Variants in CD274 observed in about 807,000 individuals in gnomAD.
CD274 encodes CD274 molecule, also known as programmed cell death 1 ligand 1.
Under a neutral mutation model 30.1 loss-of-function variants are expected in CD274, and 8 were observed. The observed-to-expected ratio is 0.27, with a 90% CI of 0.16 to 0.48. The LOEUF (loss-of-function observed/expected upper bound fraction) is 0.48, where lower values mean the gene tolerates loss of function less well. Among genes scored for constraint, CD274 ranks in the 20% least tolerant of loss-of-function variants. The pLI is 0.99. For synonymous variants in CD274, 152 were observed against 124.6 expected (o/e 1.22, Z -1.46); for missense variants, 353 against 346.6 (o/e 1.02, Z -0.15).
chr9:5,463,980 G>A (rs1290796631), intron 4 of CD274, among the ~76,000 whole-genome samples: 1 of 152,146 alleles, frequency 6.6e-6, no homozygotes, highest in African/African-American at 2.4e-5. Context: ...GATATTCTGA[G>A]AAGAGCTGCT....
chr9:5,456,570 A>G (rs1178254609), intron 2 of CD274, among the ~76,000 whole-genome samples: 2 of 152,236 alleles, frequency 1.3e-5, no homozygotes, highest in Non-Finnish European at 2.9e-5. Flanking sequence ...ATTGTAAGAT[A>G]CATGGAAAAT....
rs942194408 is a variant in CD274, at chr9:5,463,039, CACA to C, written c.606_608del (p.Thr203del). 9.9e-6 allele frequency: 16 copies of C among 1,613,854 alleles called. No individual in the cohort carries two copies. The highest frequency in any genetic ancestry group is 1.3e-5 in the Non-Finnish European group (15 of 1,179,762). On this transcript the variant is annotated inframe_deletion, in exon 4 of 7. Transcript: ENST00000381577. ...ATGTGACCAGCACACTGAGAATCAACACAACAACTAATGAGATTTTCTACTGCA... is the reference window on the plus strand; with the variant it reads ...ATGTGACCAGCACACTGAGAATCAACACAACTAATGAGATTTTCTACTGCA...
At chr9:5,451,562 G>A (rs542668724) in intron 1 of CD274, among the ~76,000 whole-genome samples, 3 of 152,266 alleles carry the variant, frequency 2.0e-5, no homozygotes, top group African/African-American at 2.4e-5. Context: ...AATGACAGTC[G>A]TCAACAGTAT....
Position 5,469,870 on chromosome 9 carries a change from T to C in CD274, c.*2008T>C, listed in dbSNP as rs1008970225. On this transcript the variant is annotated 3_prime_UTR_variant, in exon 7 of 7. Coordinates refer to ENST00000381577, the MANE Select transcript of CD274 (RefSeq NM_014143.4). ...TATGACAGAATCATGTCTGGAACTTTTGTTTTCTGCTTTCTGTCAAGTATA... is the reference window on the plus strand; with the variant it reads ...TATGACAGAATCATGTCTGGAACTTCTGTTTTCTGCTTTCTGTCAAGTATA... The C allele has an allele frequency of 2.6e-5, 6 of 233,034 alleles. No individual in the cohort carries two copies. Among genetic ancestry groups the C allele is most frequent in the African/African-American group, 1.1e-4 (5 of 45,342 alleles). 14.4% of individuals were successfully genotyped at this position (233,034 alleles called of 1,614,324 possible).
intron 1 of CD274, among the ~76,000 whole-genome samples, chr9:5,452,870 C>T (rs1819231788): frequency 6.6e-6 from 1 of 152,014 alleles, no homozygotes; most frequent in East Asian, 1.9e-4. Context: ...GTTTTATTCC[C>T]ATATGGTTAT....
At chr9:5,457,038 G>T in intron 2 of CD274, 41 bp from the exon 3 acceptor site, 9 of 1,421,640 alleles carry the variant, frequency 6.3e-6, no homozygotes, top group Non-Finnish European at 8.8e-6. Context: ...ATGTTTCGAG[G>T]AATTTTCCCT....
chr9:5,468,033 A>G lies in CD274; in HGVS notation c.*171A>G. ...AACCTGGCGAAAGCAGAGGAGGAGA[A>G]TGAAGAAAGATGGAGTCAAACAGGG... is the stretch of plus-strand genomic sequence containing the variant. On this transcript the variant is annotated 3_prime_UTR_variant, in exon 7 of 7. Transcript: ENST00000381577. The G allele has an allele frequency of 1.6e-6, 1 of 633,728 alleles. No homozygotes were observed. Among genetic ancestry groups the G allele is most frequent in the South Asian group, 1.9e-5 (1 of 52,522 alleles). The allele number at this position is 633,728 out of a possible 1,614,324, so 39.3% of individuals were successfully genotyped here.
intron 3 of CD274, among the ~76,000 whole-genome samples, chr9:5,462,140 CATTAA>C (rs1381991118): frequency 6.6e-6 from 1 of 152,050 alleles, no homozygotes; most frequent in Admixed American, 6.6e-5. Context: ...CAAATTTAAA[CATTAA>C]AAAGTATCAC....
At chr9:5,462,737 G>A (rs1819426206) in intron 3 of CD274, 97 bp from the exon 4 acceptor site, 2 of 1,147,648 alleles carry the variant, frequency 1.7e-6, no homozygotes, top group Non-Finnish European at 2.5e-6. Flanking sequence ...CTGAGAACCA[G>A]CCTGCATTGA....
At position 5,465,615 on chromosome 9, in the gene CD274, T is replaced by C. The variant is rs764989247; in HGVS notation, c.790+9T>C. 1.1e-5 allele frequency: 17 copies of C among 1,498,776 alleles called. No homozygotes were observed. In the South Asian group the frequency reaches 1.7e-4, roughly 15 times the overall value. The allele number at this position is 1,498,776 out of a possible 1,614,324, so 92.8% of individuals were successfully genotyped here. On this transcript the variant is annotated intron_variant, in intron 5 of 6. Coordinates refer to ENST00000381577, the MANE Select transcript of CD274 (RefSeq NM_014143.4). ...CTTCCGTTTAAGAAAAGGTAGTATT[T>C]CCTTAATTGCAGTGGTCTCCACTGG...
At chr9:5,455,317 A>G (rs1819280803) in intron 1 of CD274, among the ~76,000 whole-genome samples, 1 of 152,196 alleles carries the variant, frequency 6.6e-6, no homozygotes, top group African/African-American at 2.4e-5. Flanking sequence ...CATGCTTAAA[A>G]TAGTGCCTAG....
chr9:5,456,434 T>C (rs1330272687), intron 2 of CD274, among the ~76,000 whole-genome samples: 1 of 152,138 alleles, frequency 6.6e-6, no homozygotes, highest in Non-Finnish European at 1.5e-5. Flanking sequence ...CTACTGAAAA[T>C]ATCTGGGGAA....
chr9:5,468,958 TC>T lies in CD274; in HGVS notation c.*1097del. 4.3e-6 allele frequency: 1 copy of T among 233,152 alleles called. No individual in the cohort carries two copies. The highest frequency in any genetic ancestry group is 5.6e-5 in the Admixed American group (1 of 17,802). The allele number at this position is 233,152 out of a possible 1,614,324, so 14.4% of individuals were successfully genotyped here. On this transcript the variant is annotated 3_prime_UTR_variant, in exon 7 of 7. Transcript: ENST00000381577. ...GACAAAGTACCTGTCCTCAAGGAGC[TC>T]ATAGTATAATGAGGAGATTAACAAG...
At chr9:5,454,428 A>G (rs371308157) in intron 1 of CD274, among the ~76,000 whole-genome samples, 1 of 151,946 alleles carries the variant, frequency 6.6e-6, no homozygotes, top group Non-Finnish European at 1.5e-5. Flanking sequence ...TTTTTTCAGC[A>G]AAAGTGGATT....
Position 5,469,415 on chromosome 9 carries a change from C to A in CD274, c.*1553C>A, listed in dbSNP as rs908495035. The A allele has an allele frequency of 1.3e-5, 3 of 232,160 alleles. No individual in the cohort carries two copies. The highest frequency in any genetic ancestry group is 2.6e-5 in the Non-Finnish European group (3 of 117,470). The allele number at this position is 232,160 out of a possible 1,614,324, so 14.4% of individuals were successfully genotyped here. The stretch of plus-strand genomic sequence containing the variant: ...ATTCAAGTTTCCTTTCCAGAAGCAA[C>A]TGCTACTGCCTTTCATTCATATGTT... On this transcript the variant is annotated 3_prime_UTR_variant, in exon 7 of 7. Transcript: ENST00000381577.
At chr9:5,459,074 T>C (rs956046241) in intron 3 of CD274, among the ~76,000 whole-genome samples, 1 of 152,058 alleles carries the variant, frequency 6.6e-6, no homozygotes, top group Non-Finnish European at 1.5e-5. Context: ...AAGGGTTTTA[T>C]TCAGGTCGTC....
chr9:5,464,672 C>G (rs965316035), intron 4 of CD274, among the ~76,000 whole-genome samples: 11 of 152,142 alleles, frequency 7.2e-5, no homozygotes, highest in African/African-American at 2.7e-4. Flanking sequence ...CAAGCATTGG[C>G]CTCCAATCAT....
chr9:5,457,502 C>T, intron 3 of CD274, 82 bp downstream of exon 3: 1 of 1,099,982 alleles, frequency 9.1e-7, no homozygotes, highest in Non-Finnish European at 1.3e-6. Flanking sequence ...CTTGTAAGTC[C>T]ATACTTATTT....
chr9:5,466,905 A>G, intron 6 of CD274, 76 bp downstream of exon 6: 2 of 1,021,874 alleles, frequency 2.0e-6, no homozygotes, highest in Non-Finnish European at 3.0e-6. Flanking sequence ...AGAGAAATCC[A>G]TCAGTCATAA....
Sources: gnomAD v4.1 joint callset for allele counts (sites outside exome capture counted in the v4.1 genomes callset) on GRCh38, gnomAD v4.1.1 for gene constraint, MANE v1.5 for transcripts, NCBI Gene and HGNC (gene_info 2026-07-23, HGNC 2026-07-21) for gene names.